The following GALNT10 variants were observed in gnomAD, a reference collection of about 807,000 sequenced individuals.
GALNT10 encodes polypeptide N-acetylgalactosaminyltransferase 10, also known as GalNAc transferase 10.
Under a neutral mutation model 75.0 loss-of-function variants are expected in GALNT10, and 41 were observed. The ratio of observed to expected loss-of-function variants is 0.55; its 90% confidence interval spans 0.43 to 0.71. The LOEUF (loss-of-function observed/expected upper bound fraction) is 0.71. Ranked by LOEUF, GALNT10 falls within the 30% of genes least tolerant of loss-of-function variation. The pLI, the probability that GALNT10 is intolerant of heterozygous loss-of-function variation, is 0.00. For missense variants in GALNT10, 727 were observed against 818.5 expected (o/e 0.89, Z 1.36); for synonymous variants, 302 against 313.0 (o/e 0.96, Z 0.37).
chr5:154,298,807 C>T lies in GALNT10; in HGVS notation c.401+728C>T, dbSNP rs1754320628. ...GATGATGGTGATTTTCTGGTAGAGC[C>T]GTTCTTAAATTTGAGGTGCGTTAGA... On this transcript the variant is annotated intron_variant, in intron 3 of 11. Coordinates refer to ENST00000297107, the MANE Select transcript of GALNT10 (RefSeq NM_198321.4). This position sits in a 1 kb window ranked among gnomAD's most constrained non-coding sequence, Gnocchi z 4.1. 6.6e-6 allele frequency among the ~76,000 whole-genome samples: 1 copy of T among 152,064 alleles called. No homozygotes were observed. Among genetic ancestry groups the T allele is most frequent in the Non-Finnish European group, 1.5e-5 (1 of 68,024 alleles).
chr5:154,281,501 A>G (rs373646040), intron 1 of GALNT10, among the ~76,000 whole-genome samples: 1 of 152,088 alleles, frequency 6.6e-6, no homozygotes, highest in African/African-American at 2.4e-5. Flanking sequence ...TATTATTTTG[A>G]TCCCCATTCT....
intron 1 of GALNT10, among the ~76,000 whole-genome samples, chr5:154,251,777 TG>T (rs1753526922): frequency 6.6e-6 from 1 of 152,114 alleles, no homozygotes; most frequent in African/African-American, 2.4e-5. Context: ...TCTAAGAAAC[TG>T]CTTGGTTTCT....
intron 4 of GALNT10, among the ~76,000 whole-genome samples, chr5:154,357,877 G>C (rs1234551584): frequency 6.6e-6 from 1 of 152,150 alleles, no homozygotes; most frequent in East Asian, 1.9e-4. Flanking sequence ...ACTTACCCAA[G>C]GCTCAGCGTG....
intron 1 of GALNT10, among the ~76,000 whole-genome samples, chr5:154,257,871 C>T (rs1253448008): frequency 1.3e-5 from 2 of 152,030 alleles, no homozygotes; most frequent in Non-Finnish European, 2.9e-5. Flanking sequence ...AGATTTAAAT[C>T]TGTTTTTAAA....
chr5:154,272,007 A>G (rs6881721), intron 1 of GALNT10, among the ~76,000 whole-genome samples: 26,923 of 152,192 alleles, frequency 0.18, 2,544 homozygotes, highest in African/African-American at 0.21. Context: ...ACTTATAATT[A>G]TGCTTTGCCT....
chr5:154,299,831 ATTT>A (rs4032070), intron 3 of GALNT10, among the ~76,000 whole-genome samples: 45,662 of 130,344 alleles, frequency 0.35, 7,881 homozygotes, highest in African/African-American at 0.4. Flanking sequence ...CAAATCCCAG[ATTT>A]TTTTTTTTTT....
chr5:154,273,942 C>G (rs561319252), intron 1 of GALNT10, among the ~76,000 whole-genome samples: 1 of 152,352 alleles, frequency 6.6e-6, no homozygotes, highest in Admixed American at 6.5e-5. Context: ...GTTGCTGCAT[C>G]TCCAGAGATC....
chr5:154,305,869 T>C (rs1035312543), intron 3 of GALNT10, among the ~76,000 whole-genome samples: 1 of 151,980 alleles, frequency 6.6e-6, no homozygotes, highest in Non-Finnish European at 1.5e-5. Context: ...AATACAAAAA[T>C]TAGCCAGGCA....
chr5:154,364,090 T>C (rs1755438008), intron 4 of GALNT10, among the ~76,000 whole-genome samples: 1 of 152,166 alleles, frequency 6.6e-6, no homozygotes, highest in African/African-American at 2.4e-5. Context: ...CACTTTGCGC[T>C]GAGCCTGGGG....
intron 4 of GALNT10, among the ~76,000 whole-genome samples, chr5:154,333,459 A>G (rs919321838): frequency 1.1e-4 from 17 of 152,202 alleles, no homozygotes; most frequent in Non-Finnish European, 1.9e-4. Flanking sequence ...GCCGAAAAGA[A>G]TTCATTATCA....
intron 1 of GALNT10, 95 bp downstream of exon 1, chr5:154,191,120 T>G: frequency 1.2e-6 from 1 of 840,110 alleles, no homozygotes; most frequent in Non-Finnish European, 1.6e-6. Flanking sequence ...GTCTGCCTCC[T>G]CAGAGTCAGC....
At chr5:154,383,174 C>T (rs575285334) in intron 6 of GALNT10, among the ~76,000 whole-genome samples, 1 of 152,298 alleles carries the variant, frequency 6.6e-6, no homozygotes, top group South Asian at 2.1e-4. Flanking sequence ...CTCTCTTCTG[C>T]TTTTTACTTG....
At chr5:154,398,744 C>T (rs1756098282) in intron 7 of GALNT10, among the ~76,000 whole-genome samples, 1 of 152,196 alleles carries the variant, frequency 6.6e-6, no homozygotes, top group South Asian at 2.1e-4. Context: ...CCCTGTTCCA[C>T]AAATGAGAGA....
chr5:154,386,771 G>T (rs533606395), intron 7 of GALNT10: 1 of 503,346 alleles, frequency 2.0e-6, no homozygotes, highest in Non-Finnish European at 3.5e-6. Flanking sequence ...TAAGCAGTGG[G>T]CCAGAGAAGC....
intron 1 of GALNT10, among the ~76,000 whole-genome samples, chr5:154,208,928 G>T (rs1482859287): frequency 6.6e-6 from 1 of 152,200 alleles, no homozygotes; most frequent in Non-Finnish European, 1.5e-5. Flanking sequence ...GACTTTGTTG[G>T]AGAGGGCACA....
chr5:154,339,012 C>T (rs1333633875), intron 4 of GALNT10, among the ~76,000 whole-genome samples: 1 of 150,848 alleles, frequency 6.6e-6, no homozygotes, highest in Non-Finnish European at 1.5e-5. Context: ...TTTACTTCAG[C>T]CTGTCTGGCC....
chr5:154,203,308 T>C (rs1318052527), intron 1 of GALNT10, among the ~76,000 whole-genome samples: 1 of 152,150 alleles, frequency 6.6e-6, no homozygotes, highest in African/African-American at 2.4e-5. Context: ...TTAGCAAATA[T>C]GATGAGAAAT....
chr5:154,315,096 ACT>A (rs10549064), intron 3 of GALNT10, among the ~76,000 whole-genome samples: 45,787 of 151,730 alleles, frequency 0.3, 7,625 homozygotes, highest in African/African-American at 0.45. Flanking sequence ...AGAAATCTTA[ACT>A]CTAAAAGAAT....
At chr5:154,308,013 CACAAA>C (rs1314649154) in intron 3 of GALNT10, among the ~76,000 whole-genome samples, 3 of 146,174 alleles carry the variant, frequency 2.1e-5, no homozygotes, top group South Asian at 4.5e-4. Context: ...GATCTTTATT[CACAAA>C]GAATAAAGAT....
Sources: allele counts gnomAD v4.1 joint callset (sites outside exome capture counted in the v4.1 genomes callset), GRCh38; gene constraint gnomAD v4.1.1; non-coding constraint Gnocchi (gnomAD v3.1); transcripts MANE v1.5; gene names NCBI Gene and HGNC (gene_info 2026-07-23, HGNC 2026-07-21).